The following DAB1 variants were observed in gnomAD, a reference collection of about 807,000 sequenced individuals.
The protein encoded by DAB1 is disabled homolog 1.
In DAB1, 15 loss-of-function variants were observed where a neutral mutation model predicts 64.6. That is an observed-to-expected ratio of 0.23 (90% confidence interval 0.16 to 0.36). The LOEUF (loss-of-function observed/expected upper bound fraction) is 0.36. Ranked by LOEUF, DAB1 falls within the 10% of genes least tolerant of loss-of-function variation. DAB1 has a pLI of 1.00. For synonymous variants in DAB1, 235 were observed against 251.9 expected (o/e 0.93, Z 0.64); for missense variants, 596 against 706.7 (o/e 0.84, Z 1.78).
At chr1:58,300,612 GAGAGAGA>G (rs1662119303) in intron 4 of DAB1, among the ~76,000 whole-genome samples, 2 of 44,552 alleles carry the variant, frequency 4.5e-5, no homozygotes, top group Non-Finnish European at 1.0e-4. Flanking sequence ...AAGAAAGAAA[GAGAGAGA>G]GAGAGAGAGA....
intron 1 of DAB1, among the ~76,000 whole-genome samples, chr1:57,310,603 A>G (rs1674615365): frequency 6.6e-6 from 1 of 152,080 alleles, no homozygotes. Flanking sequence ...TCCCCAAGCA[A>G]CTCTGGAAAG....
At chr1:58,208,396 G>A (rs992841919) in intron 4 of DAB1, among the ~76,000 whole-genome samples, 1 of 152,244 alleles carries the variant, frequency 6.6e-6, no homozygotes, top group East Asian at 1.9e-4. Context: ...CCCATCACCT[G>A]AGCAGTGTAC....
At chr1:57,764,949 A>G (rs1649244606) in intron 6 of DAB1, among the ~76,000 whole-genome samples, 1 of 152,208 alleles carries the variant, frequency 6.6e-6, no homozygotes. Context: ...TTTAGAAGTT[A>G]TTTAGCCAAA....
rs555808579 is a variant in DAB1 at position 58,396,109 on chromosome 1, C to T, written n.258-52706G>A. Among the ~76,000 whole-genome samples the T allele has an allele frequency of 5.2e-5, 7 of 135,098 alleles. No homozygotes were observed. In the South Asian group the frequency reaches 7.1e-4, roughly 14 times the overall value. The allele number at this position is 135,098 out of a possible 152,430, so 88.6% of individuals were successfully genotyped here. ...ATGATATTTGTGAAGTATTACCAGG[C>T]GAGAAGAGGGCAGGGGAGGGAGGGG... On this transcript the variant is annotated intron_variant and non_coding_transcript_variant, in intron 3 of 20. Coordinates refer to the DAB1 transcript ENST00000485760.
intron 7 of DAB1, among the ~76,000 whole-genome samples, chr1:57,532,492 GC>G (rs1463002007): frequency 6.6e-6 from 1 of 152,216 alleles, no homozygotes; most frequent in Non-Finnish European, 1.5e-5. Context: ...TGAGGGCAGA[GC>G]CTGCAAGGAG....
At chr1:58,480,855 A>G in intron 3 of DAB1, 1 of 663,790 alleles carries the variant, frequency 1.5e-6, no homozygotes. Context: ...ACATGATTTG[A>G]CCCTGAATAT....
chr1:57,831,538 T>C (rs1227127492), intron 1 of DAB1, among the ~76,000 whole-genome samples: 7 of 63,166 alleles, frequency 1.1e-4, no homozygotes, highest in Non-Finnish European at 2.0e-4. Context: ...TTTTCTTCTC[T>C]TTTTTTTTTT....
At chr1:57,643,850 C>G (rs1453151149) in intron 7 of DAB1, among the ~76,000 whole-genome samples, 1 of 152,142 alleles carries the variant, frequency 6.6e-6, no homozygotes, top group African/African-American at 2.4e-5. Context: ...CCTCAAACAT[C>G]TAGGACTGCT....
At chr1:58,221,574 C>A (rs993317919) in intron 4 of DAB1, among the ~76,000 whole-genome samples, 1 of 152,202 alleles carries the variant, frequency 6.6e-6, no homozygotes, top group African/African-American at 2.4e-5. Context: ...GCTAGCTGTG[C>A]CCCTCACTGA....
At chr1:57,177,134 C>T (rs1225725649) in intron 2 of DAB1, among the ~76,000 whole-genome samples, 1 of 152,112 alleles carries the variant, frequency 6.6e-6, no homozygotes, top group Non-Finnish European at 1.5e-5. Flanking sequence ...ACATAGCTGA[C>T]TTTATCAACC....
chr1:57,768,475 A>G (rs1024930775), intron 6 of DAB1, among the ~76,000 whole-genome samples: 3 of 151,146 alleles, frequency 2.0e-5, no homozygotes, highest in African/African-American at 7.3e-5. Context: ...TTTGTTCCCC[A>G]AGAAGCTTTT....
upstream of DAB1, among the ~76,000 whole-genome samples, chr1:57,426,932 C>T (rs1225664727): frequency 4.0e-5 from 6 of 151,160 alleles, no homozygotes; most frequent in Non-Finnish European, 5.9e-5. Context: ...GGCGCGATCT[C>T]GGCTCACTGC....
chr1:57,255,489 C>A (rs182176331), intron 2 of DAB1, among the ~76,000 whole-genome samples: 258 of 152,132 alleles, frequency 1.7e-3, no homozygotes, highest in African/African-American at 5.9e-3. Context: ...TGGCAAAACC[C>A]TGTACCAAAA....
At chr1:57,381,654 C>G (rs148506080) in intron 1 of DAB1, among the ~76,000 whole-genome samples, 1 of 152,284 alleles carries the variant, frequency 6.6e-6, no homozygotes, top group African/African-American at 2.4e-5. Context: ...ACCATTTTCT[C>G]CTGCACACGC....
intron 1 of DAB1, among the ~76,000 whole-genome samples, chr1:57,312,298 T>C (rs1674782724): frequency 6.6e-6 from 1 of 151,876 alleles, no homozygotes; most frequent in African/African-American, 2.4e-5. Flanking sequence ...CATAATTTTA[T>C]CTAAGCAGAT....
chr1:57,033,407 ATCAAAGTCTGTGGGCAGGTT>A (rs1229371550), intron 9 of DAB1: 1 of 1,612,820 alleles, frequency 6.2e-7, no homozygotes, highest in South Asian at 1.1e-5. Flanking sequence ...CAAAAATCTC[ATCAAAGTCTGTGGGCAGGTT>A]TCTGTTCTGT....
At chr1:58,216,208 T>G (rs546796674) in intron 4 of DAB1, among the ~76,000 whole-genome samples, 1 of 151,158 alleles carries the variant, frequency 6.6e-6, no homozygotes, top group African/African-American at 2.4e-5. Flanking sequence ...GGCCTTGGTG[T>G]GTGATGTTCC....
chr1:57,431,917 T>A (rs947557565), intron 7 of DAB1, among the ~76,000 whole-genome samples: 2 of 150,156 alleles, frequency 1.3e-5, no homozygotes, highest in African/African-American at 4.9e-5. Flanking sequence ...AGGTCAGGAG[T>A]TCAAGAGCAG....
At chr1:57,164,141 T>C (rs1186498984) in intron 2 of DAB1, among the ~76,000 whole-genome samples, 1 of 152,158 alleles carries the variant, frequency 6.6e-6, no homozygotes. Context: ...GTGCCTGGCC[T>C]GTCTGGTGGA....
Sources: gnomAD v4.1 joint callset for allele counts (sites outside exome capture counted in the v4.1 genomes callset) on GRCh38, gnomAD v4.1.1 for gene constraint, MANE v1.5 for transcripts, NCBI Gene and HGNC (gene_info 2026-07-23, HGNC 2026-07-21) for gene names.